Variants in ABLIM2 observed in about 807,000 individuals in gnomAD.
ABLIM2 encodes actin binding LIM protein family member 2.
Under a neutral mutation model 97.7 loss-of-function variants are expected in ABLIM2, and 53 were observed. The ratio of observed to expected loss-of-function variants is 0.54; its 90% CI spans 0.44 to 0.68. The LOEUF is 0.68. Among genes scored for constraint, ABLIM2 ranks in the 30% least tolerant of loss-of-function variants. The pLI is 0.00. For synonymous variants in ABLIM2, 361 were observed against 345.8 expected (o/e 1.04, Z -0.49); for missense variants, 835 against 867.2 (o/e 0.96, Z 0.47).
At chr4:8,056,886 C>T (rs547407040) in intron 7 of ABLIM2, among the ~76,000 whole-genome samples, 20 of 130,916 alleles carry the variant, frequency 1.5e-4, no homozygotes, top group East Asian at 7.5e-4. Flanking sequence ...GAGCCAAGAT[C>T]GCACCACTGC....
intron 1 of ABLIM2, among the ~76,000 whole-genome samples, chr4:8,111,494 G>C (rs1258546844): frequency 6.6e-6 from 1 of 152,208 alleles, no homozygotes; most frequent in African/African-American, 2.4e-5. Context: ...ATACATCAAC[G>C]TTGGTACAGT....
At position 8,112,888 on chromosome 4, in the gene ABLIM2, C is replaced by G. The variant is rs1343790931; in HGVS notation, c.11-6251G>C. Among the ~76,000 whole-genome samples the G allele has an allele frequency of 1.3e-5, 2 of 152,194 alleles. No individual in the cohort carries two copies. The highest frequency in any genetic ancestry group is 2.9e-5 in the Non-Finnish European group (2 of 68,042). ...TGCTGGGCTGCAAACCATGTGTTCACTTGTTCAACAGACACGGGAGCAGAC... is the reference window on the plus strand; with the variant it reads ...TGCTGGGCTGCAAACCATGTGTTCAGTTGTTCAACAGACACGGGAGCAGAC... On this transcript the variant is annotated intron_variant, in intron 1 of 20. Transcript: ENST00000447017. The surrounding 1 kb of genome is among the most constrained non-coding windows in gnomAD (Gnocchi z 4.2).
In ABLIM2 at chr4:8,029,734, T is replaced by C. The variant is rs775852579; in HGVS notation, c.1090A>G (p.Ser364Gly). The C allele has an allele frequency of 1.3e-6, 2 of 1,559,294 alleles. No individual in the cohort carries two copies. Among genetic ancestry groups the C allele is most frequent in the East Asian group, 2.4e-5 (1 of 41,576 alleles). Residue 364 changes from serine to glycine, a missense_variant, in exon 11 of 21, where the codon AGC becomes GGC. Coordinates refer to ENST00000447017, the MANE Select transcript of ABLIM2 (RefSeq NM_001130083.2). ...DRSYKQCRTS[S>G]PSSTGSVSLG... The stretch of plus-strand genomic sequence containing the variant: ...CTAACCGACCCAGTGGAGCTTGGGC[T>C]GGAGGTCCGACACTGCTTGTAGGAC...
intron 11 of ABLIM2, 26 bp downstream of exon 11, chr4:8,029,630 C>T (rs1319447492): frequency 1.4e-6 from 2 of 1,442,336 alleles, no homozygotes; most frequent in Non-Finnish European, 9.3e-7. Flanking sequence ...ATCCTGGGGG[C>T]TCAGAGGAAC....
intron 7 of ABLIM2, among the ~76,000 whole-genome samples, chr4:8,060,521 C>G (rs1274488801): frequency 1.3e-5 from 2 of 152,202 alleles, no homozygotes; most frequent in East Asian, 3.9e-4. Flanking sequence ...ACCTCATTAC[C>G]AACCTCCTTT....
At chr4:8,121,746 C>A (rs1845563138) in intron 1 of ABLIM2, among the ~76,000 whole-genome samples, 1 of 152,210 alleles carries the variant, frequency 6.6e-6, no homozygotes, top group Non-Finnish European at 1.5e-5. Flanking sequence ...TTTCTCAAAT[C>A]TAATAGGAAA....
In ABLIM2 at chr4:8,125,109, G is replaced by C. The variant is rs755126935; in HGVS notation, c.11-18472C>G. ...AGGGATGAGAGTTATTCGTATATTC[G>C]AGATACAAGTCCCGTGTCAGCTTGC... On this transcript the variant is annotated intron_variant, in intron 1 of 20. Transcript: ENST00000447017. This position sits in a 1 kb window ranked among gnomAD's most constrained non-coding sequence, Gnocchi z 6.2. Among the ~76,000 whole-genome samples, 3 of 152,124 alleles carry C rather than the reference G, an allele frequency of 2.0e-5. No individual in the cohort carries two copies.
At chr4:8,091,880 TATA>T (rs1463710894) in intron 3 of ABLIM2, among the ~76,000 whole-genome samples, 1 of 116,736 alleles carries the variant, frequency 8.6e-6, no homozygotes, top group African/African-American at 3.3e-5. Context: ...CAATATATAT[TATA>T]ATATATAACA....
intron 1 of ABLIM2, among the ~76,000 whole-genome samples, chr4:8,114,229 C>T (rs1161304634): frequency 2.0e-5 from 3 of 152,166 alleles, no homozygotes; most frequent in Non-Finnish European, 2.9e-5. Flanking sequence ...GATGTGTGCT[C>T]AGCCAGTCCT....
In ABLIM2 at chr4:8,003,641, C is replaced by T. The variant is rs565156914; in HGVS notation, c.1618+4418G>A. 2.0e-5 allele frequency among the ~76,000 whole-genome samples: 3 copies of T among 147,666 alleles called. No individual in the cohort carries two copies. The highest frequency in any genetic ancestry group is 6.8e-5 in the Admixed American group (1 of 14,604). On this transcript the variant is annotated intron_variant, in intron 16 of 20. Coordinates refer to ENST00000447017, the MANE Select transcript of ABLIM2 (RefSeq NM_001130083.2). This position sits in a 1 kb window ranked among gnomAD's most constrained non-coding sequence, Gnocchi z 4.2. ...AGTGCAATGGTGCAATCTCGGCTTACTGCAACCTCTGCCTCCTGGGATCAA... is the reference window on the plus strand; with the variant it reads ...AGTGCAATGGTGCAATCTCGGCTTATTGCAACCTCTGCCTCCTGGGATCAA...
chr4:8,033,572 G>C lies in ABLIM2; in HGVS notation c.1047+2577C>G, dbSNP rs1229083361. On this transcript the variant is annotated intron_variant, in intron 10 of 20. Transcript: ENST00000447017. This position sits in a 1 kb window ranked among gnomAD's most constrained non-coding sequence, Gnocchi z 4.5. ...AGGCCCCATGGGGTCGCACTTTATG[G>C]CTGAGAGCGGAAGCTCACACACAGG... Among the ~76,000 whole-genome samples, 1 of 152,204 alleles carries C rather than the reference G, an allele frequency of 6.6e-6. No individual in the cohort carries two copies. Among genetic ancestry groups the C allele is most frequent in the South Asian group, 2.1e-4 (1 of 4,832 alleles).
intron 16 of ABLIM2, chr4:8,007,735 C>T: frequency 9.1e-7 from 1 of 1,101,632 alleles, no homozygotes; most frequent in Non-Finnish European, 1.1e-6. Context: ...GCCCTGACTT[C>T]CACCCGGCAG....
chr4:8,139,429 A>G (rs1342854573), intron 1 of ABLIM2, among the ~76,000 whole-genome samples: 4 of 152,234 alleles, frequency 2.6e-5, no homozygotes, highest in African/African-American at 9.6e-5. Context: ...ACCCCATCAA[A>G]AAGTGGGCAA....
chr4:8,081,119 G>A (rs937527557), intron 4 of ABLIM2, among the ~76,000 whole-genome samples: 17 of 152,048 alleles, frequency 1.1e-4, no homozygotes, highest in Admixed American at 5.9e-4. Context: ...GCACCGAGAC[G>A]TACCAGGTTG....
chr4:7,972,147 C>T (rs1202585805), intron 20 of ABLIM2, among the ~76,000 whole-genome samples: 1 of 152,192 alleles, frequency 6.6e-6, no homozygotes, highest in African/African-American at 2.4e-5. Flanking sequence ...AGAGCCTTCC[C>T]TCCATACCCC....
In ABLIM2 at chr4:8,140,370, G is replaced by A. The variant is rs1289221911; in HGVS notation, c.10+18310C>T. On this transcript the variant is annotated intron_variant, in intron 1 of 20. Transcript: ENST00000447017. This position sits in a 1 kb window ranked among gnomAD's most constrained non-coding sequence, Gnocchi z 5.9. Reference sequence around the variant, plus strand: ...GGAGCCATGCAGTGGGATCCTACACGGCAGCTAAGGAATCAGCCATGGCAG... The same window carrying A: ...GGAGCCATGCAGTGGGATCCTACACAGCAGCTAAGGAATCAGCCATGGCAG... Among the ~76,000 whole-genome samples the A allele has an allele frequency of 2.6e-5, 4 of 152,298 alleles. No homozygotes were observed. Among genetic ancestry groups the A allele is most frequent in the South Asian group, 2.1e-4 (1 of 4,820 alleles).
At chr4:7,968,516 C>T (rs1002932493) in intron 20 of ABLIM2, among the ~76,000 whole-genome samples, 1 of 152,224 alleles carries the variant, frequency 6.6e-6, no homozygotes, top group African/African-American at 2.4e-5. Flanking sequence ...TCGTGAAGTT[C>T]CGACACATGC....
chr4:8,080,553 A>G (rs957006940), intron 5 of ABLIM2, 123 bp downstream of exon 5: 120 of 1,124,988 alleles, frequency 1.1e-4, no homozygotes, highest in South Asian at 6.0e-4. Context: ...GGGCAGTAGT[A>G]GCTGTGTGAG....
chr4:8,008,400 T>C (rs543599617), intron 15 of ABLIM2, among the ~76,000 whole-genome samples, 200 bp from the exon 16 acceptor site: 65 of 152,316 alleles, frequency 4.3e-4, no homozygotes, highest in African/African-American at 1.4e-3. Flanking sequence ...TACAGGTACA[T>C]GGAGCATCTG....
Sources: allele counts gnomAD v4.1 joint callset (sites outside exome capture counted in the v4.1 genomes callset), GRCh38; gene constraint gnomAD v4.1.1; non-coding constraint Gnocchi (gnomAD v3.1); transcripts MANE v1.5; gene names NCBI Gene and HGNC (gene_info 2026-07-23, HGNC 2026-07-21).